Variants in PIGK observed in about 807,000 individuals in gnomAD.
PIGK encodes GPI-anchor transamidase.
Under a neutral mutation model 50.6 loss-of-function variants are expected in PIGK, and 42 were observed. The ratio of observed to expected loss-of-function variants is 0.83; its 90% CI spans 0.65 to 1.07. The LOEUF (loss-of-function observed/expected upper bound fraction) is 1.07. Ranked by LOEUF, PIGK falls within the 50% of genes least tolerant of loss-of-function variation. PIGK has a pLI of 0.00. For missense variants in PIGK, 448 were observed against 488.7 expected (o/e 0.92, Z 0.78); for synonymous variants, 151 against 156.0 (o/e 0.97, Z 0.24).
At chr1:77,184,976 C>T (rs1428529626) in intron 3 of PIGK, among the ~76,000 whole-genome samples, 5 of 152,170 alleles carry the variant, frequency 3.3e-5, no homozygotes, top group African/African-American at 1.2e-4. Flanking sequence ...TCCCACCTGG[C>T]CTGGGCAGAA....
intron 2 of PIGK, among the ~76,000 whole-genome samples, chr1:77,208,036 AC>A (rs1454077114): frequency 6.6e-6 from 1 of 152,098 alleles, no homozygotes; most frequent in Non-Finnish European, 1.5e-5. Flanking sequence ...GGCCTAGGCA[AC>A]ACAATGAGAC....
intron 9 of PIGK, among the ~76,000 whole-genome samples, chr1:77,140,147 G>C (rs911546043): frequency 2.6e-5 from 4 of 152,248 alleles, no homozygotes; most frequent in Middle Eastern, 6.8e-3. Flanking sequence ...CATGAGGGCA[G>C]ATCCCTCATG....
intron 10 of PIGK, among the ~76,000 whole-genome samples, chr1:77,118,270 C>T (rs984574647): frequency 6.6e-6 from 1 of 152,162 alleles, no homozygotes; most frequent in Non-Finnish European, 1.5e-5. Flanking sequence ...CAGGATCTCA[C>T]TCTGTTGCCC....
intron 3 of PIGK, among the ~76,000 whole-genome samples, chr1:77,172,096 TTG>T (rs1340858533): frequency 6.6e-6 from 1 of 151,634 alleles, no homozygotes; most frequent in Non-Finnish European, 1.5e-5. Context: ...TTTTTGTATT[TTG>T]ACATCCTTAA....
rs188976929 is a variant in PIGK at position 77,149,716 on chromosome 1, G to C, written c.986+4733C>G. On this transcript the variant is annotated intron_variant, in intron 9 of 10. Transcript: ENST00000370812. ...TCCAAGCAGAAAATCTACAAAGAAG[G>C]ATTGGAGTCTATACTCTAGACCAAA... 4.4e-3 allele frequency among the ~76,000 whole-genome samples: 668 copies of C among 152,154 alleles called. 5 individuals are homozygous for C. Among genetic ancestry groups the C allele is most frequent in the African/African-American group, 0.016 (646 of 41,526 alleles).
intron 10 of PIGK, among the ~76,000 whole-genome samples, chr1:77,121,030 T>C (rs1223540488): frequency 6.6e-6 from 1 of 152,206 alleles, no homozygotes; most frequent in Non-Finnish European, 1.5e-5. Context: ...GTCAACCATC[T>C]TAAAGGTTAA....
chr1:77,147,078 G>T (rs767719333), intron 9 of PIGK, among the ~76,000 whole-genome samples: 38 of 152,018 alleles, frequency 2.5e-4, no homozygotes, highest in Admixed American at 9.2e-4. Context: ...TGGACTCACA[G>T]TTCCTCATAG....
chr1:77,194,851 G>T, intron 3 of PIGK: 1 of 396,878 alleles, frequency 2.5e-6, no homozygotes, highest in South Asian at 2.1e-5. Context: ...TCTGGGCACT[G>T]AGAAACGGAA....
At chr1:77,208,209 GT>G (rs2100587071) in intron 2 of PIGK, among the ~76,000 whole-genome samples, 1 of 152,152 alleles carries the variant, frequency 6.6e-6, no homozygotes, top group South Asian at 2.1e-4. Context: ...CTGGGAGACA[GT>G]GCAAGACCTC....
At chr1:77,163,180 TTACAG>T (rs1451254564) in intron 6 of PIGK, among the ~76,000 whole-genome samples, 1 of 152,196 alleles carries the variant, frequency 6.6e-6, no homozygotes, top group African/African-American at 2.4e-5. Context: ...TATTTTAACA[TTACAG>T]TATTTATTTT....
In PIGK at chr1:77,129,007, G is replaced by T. The variant is rs1654293252; in HGVS notation, c.987-6648C>A. ...TGAATTTCAGTGTTGCACTATAACA[G>T]CAGAGCTGCATATTTACAACTGAGA... On this transcript the variant is annotated intron_variant, in intron 9 of 10. Coordinates refer to ENST00000370812, the MANE Select transcript of PIGK (RefSeq NM_005482.3). 1.8e-5 allele frequency: 13 copies of T among 704,778 alleles called. No individual in the cohort carries two copies. The South Asian group carries it at 1.9e-4, about 10-fold the overall frequency. The allele number at this position is 704,778 out of a possible 1,614,324, so 43.7% of individuals were successfully genotyped here. A position where few individuals can be genotyped will look rare whatever the true frequency, so the allele number is the denominator to read the frequency against.
intron 9 of PIGK, among the ~76,000 whole-genome samples, chr1:77,137,538 CT>C (rs1654547916): frequency 6.6e-6 from 1 of 151,838 alleles, no homozygotes; most frequent in Non-Finnish European, 1.5e-5. Context: ...TCATGTAATC[CT>C]TGTGTAATCC....
intron 8 of PIGK, among the ~76,000 whole-genome samples, chr1:77,159,930 G>A (rs1475972138): frequency 2.0e-5 from 3 of 152,114 alleles, no homozygotes; most frequent in East Asian, 1.9e-4. Flanking sequence ...GGGAAGGCAC[G>A]ATTGGTTTTG....
At chr1:77,203,039 A>G (rs1348347123) in intron 3 of PIGK, among the ~76,000 whole-genome samples, 1 of 152,190 alleles carries the variant, frequency 6.6e-6, no homozygotes, top group African/African-American at 2.4e-5. Flanking sequence ...TGTTAAAGAT[A>G]TGTATATTTT....
At chr1:77,144,578 C>A (rs1654724920) in intron 9 of PIGK, among the ~76,000 whole-genome samples, 2 of 151,728 alleles carry the variant, frequency 1.3e-5, no homozygotes, top group African/African-American at 4.8e-5. Flanking sequence ...TTTATTAACA[C>A]AAAGGGATAT....
intron 9 of PIGK, among the ~76,000 whole-genome samples, chr1:77,153,165 A>C (rs940391204): frequency 2.6e-5 from 4 of 152,112 alleles, no homozygotes; most frequent in African/African-American, 7.2e-5. Context: ...ACACAATAAA[A>C]TGTTATTCAG....
intron 9 of PIGK, among the ~76,000 whole-genome samples, chr1:77,136,398 G>A (rs1654515660): frequency 6.6e-6 from 1 of 150,770 alleles, no homozygotes; most frequent in Admixed American, 6.6e-5. Flanking sequence ...GCGTAGTGGC[G>A]GGCGCCTGTA....
chr1:77,197,824 G>C (rs1390938838), intron 3 of PIGK, among the ~76,000 whole-genome samples: 1 of 152,100 alleles, frequency 6.6e-6, no homozygotes, highest in Admixed American at 6.6e-5. Flanking sequence ...ATCCTTGAAA[G>C]CACCTGAATT....
intron 8 of PIGK, among the ~76,000 whole-genome samples, chr1:77,157,310 T>C (rs1345671999): frequency 6.6e-6 from 1 of 152,192 alleles, no homozygotes; most frequent in African/African-American, 2.4e-5. Flanking sequence ...ACAATAGTCA[T>C]CATTAAATCT....
Sources: gnomAD v4.1 joint callset for allele counts (sites outside exome capture counted in the v4.1 genomes callset) on GRCh38, gnomAD v4.1.1 for gene constraint, MANE v1.5 for transcripts, NCBI Gene and HGNC (gene_info 2026-07-23, HGNC 2026-07-21) for gene names.